ACYP2: variants seen among roughly 807,000 people sequenced by gnomAD.
ACYP2 encodes acylphosphatase 2.
ACYP2 carries 12 observed loss-of-function variants against 11.2 expected under a neutral mutation model. That is an observed-to-expected ratio of 1.08 (90% CI 0.69 to 1.74). The LOEUF (loss-of-function observed/expected upper bound fraction) is 1.74. Ranked by LOEUF, ACYP2 falls within the 40% of genes most tolerant of loss-of-function variation. The pLI, the probability that ACYP2 is intolerant of heterozygous loss-of-function variation, is 0.00. For synonymous variants in ACYP2, 43 were observed against 32.2 expected (o/e 1.33, Z -1.13); for missense variants, 134 against 101.9 (o/e 1.31, Z -1.35).
At chr2:54,288,830 G>A (rs910782803) in intron 6 of ACYP2, among the ~76,000 whole-genome samples, 2 of 151,952 alleles carry the variant, frequency 1.3e-5, no homozygotes, top group Non-Finnish European at 2.9e-5. Context: ...GGCTCCCAAA[G>A]GTTGAGGCCT....
chr2:54,157,126 A>AT (rs1385239478), intron 6 of ACYP2, among the ~76,000 whole-genome samples: 1 of 152,184 alleles, frequency 6.6e-6, no homozygotes, highest in Non-Finnish European at 1.5e-5. Flanking sequence ...AATGATGTGG[A>AT]TTTATGTGGA....
In ACYP2 at chr2:54,135,464, A is replaced by G; in HGVS notation, c.289A>G (p.Arg97Gly). The G allele has an allele frequency of 6.2e-7, 1 of 1,608,506 alleles. No homozygotes were observed. Among genetic ancestry groups the G allele is most frequent in the South Asian group, 1.1e-5 (1 of 90,000 alleles). The change falls in exon 5 of 7, where the codon AGA becomes GGA. Residue 97 changes from arginine (R) to glycine (G), a missense_variant. Physicochemically the swap from Arg to Gly is moderately radical, Grantham distance 125. Transcript: ENST00000607452. ...TTTCTTTTATACAGGTGTTTGCTTC[A>G]GAATGGTAAGTCAGTACAATCTTTA... is the stretch of plus-strand genomic sequence containing the variant.
chr2:54,150,468 T>C (rs1682103631), intron 6 of ACYP2, among the ~76,000 whole-genome samples: 2 of 152,210 alleles, frequency 1.3e-5, no homozygotes, highest in South Asian at 4.1e-4. Context: ...TGGCCCAGGC[T>C]GGAGTGCAGT....
In ACYP2 at chr2:54,009,403, CACAAACAA is replaced by C. The variant is rs776772113; in HGVS notation, c.62+35607_62+35614del. ...ATGAAACCCTGTCTCTACTTAAAAA[CACAAACAA>C]ACAAACAAACAAATTAGCTGGGCAT... On this transcript the variant is annotated intron_variant, in intron 2 of 6. Transcript: ENST00000607452. Among the ~76,000 whole-genome samples, 542 of 151,664 alleles carry C rather than the reference CACAAACAA, an allele frequency of 3.6e-3. 7 individuals carry two copies. The highest frequency in any genetic ancestry group is 2.3e-3 in the South Asian group (11 of 4,796).
intron 6 of ACYP2, among the ~76,000 whole-genome samples, chr2:54,199,402 T>G (rs983875337): frequency 7.2e-5 from 11 of 152,156 alleles, no homozygotes; most frequent in Non-Finnish European, 1.3e-4. Flanking sequence ...TTATTAAGAT[T>G]TTCAGGATGG....
chr2:54,117,143 C>G lies in ACYP2; in HGVS notation c.278-18310C>G, dbSNP rs144629237. Among the ~76,000 whole-genome samples, 698 of 152,228 alleles carry G rather than the reference C, an allele frequency of 4.6e-3. 6 individuals carry two copies. The highest frequency in any genetic ancestry group is 0.016 in the African/African-American group (680 of 41,538). ...TGATTCTTTGAAGAGAAATTTAGAA[C>G]TCATTGTATTCAACAGCTCCAAGTA... On this transcript the variant is annotated intron_variant, in intron 4 of 6. Transcript: ENST00000607452.
chr2:54,013,287 G>A (rs1250050482), intron 2 of ACYP2, among the ~76,000 whole-genome samples: 9 of 148,456 alleles, frequency 6.1e-5, no homozygotes, highest in African/African-American at 1.0e-4. Context: ...GTGTGTGTGT[G>A]TGTGTGTGTG....
chr2:54,113,955 A>C (rs1009404386), intron 4 of ACYP2, among the ~76,000 whole-genome samples: 7 of 152,176 alleles, frequency 4.6e-5, no homozygotes, highest in African/African-American at 1.7e-4. Flanking sequence ...GGAAGAGTTA[A>C]GTTACGAGGT....
intron 6 of ACYP2, among the ~76,000 whole-genome samples, chr2:54,189,634 A>T (rs963136864): frequency 6.6e-6 from 1 of 151,958 alleles, no homozygotes; most frequent in South Asian, 2.1e-4. Context: ...TTGTTTCTCT[A>T]TCTTGGCTAT....
chr2:54,138,075 T>C (rs1221228910), intron 5 of ACYP2, among the ~76,000 whole-genome samples: 1 of 137,064 alleles, frequency 7.3e-6, no homozygotes, highest in African/African-American at 2.8e-5. Flanking sequence ...GCCACACATA[T>C]GTCTACTTTT....
At chr2:54,255,875 G>A (rs765513904) in intron 6 of ACYP2, 40 of 1,613,908 alleles carry the variant, frequency 2.5e-5, no homozygotes, top group Non-Finnish European at 3.1e-5. Flanking sequence ...TCCGCGGGTG[G>A]TGGAGTCACT....
intron 6 of ACYP2, chr2:54,267,366 G>T (rs748138898): frequency 6.5e-7 from 1 of 1,545,216 alleles, no homozygotes; most frequent in Admixed American, 2.0e-5. Flanking sequence ...GAGAATTCAG[G>T]TGAGAGGTTT....
intron 6 of ACYP2, among the ~76,000 whole-genome samples, chr2:54,193,520 G>C (rs1019440803): frequency 1.3e-5 from 2 of 152,042 alleles, no homozygotes; most frequent in African/African-American, 4.8e-5. Flanking sequence ...ACACTTAGTC[G>C]TGACAAGTAC....
chr2:54,153,716 C>T (rs760666368), intron 6 of ACYP2, among the ~76,000 whole-genome samples: 1 of 151,604 alleles, frequency 6.6e-6, no homozygotes, highest in Non-Finnish European at 1.5e-5. Context: ...TCTCCTGCCT[C>T]AGCCTCTCGA....
At chr2:54,125,014 A>G (rs28376974) in intron 4 of ACYP2, among the ~76,000 whole-genome samples, 7,834 of 152,254 alleles carry the variant, frequency 0.051, 629 homozygotes, top group African/African-American at 0.17. Flanking sequence ...TGTCTTCCCA[A>G]AGTGCTGGGA....
In ACYP2 at chr2:53,975,773, A is replaced by C. The variant is rs1481361827; in HGVS notation, c.62+1963A>C. The stretch of plus-strand genomic sequence containing the variant: ...CTTAAACCCGGGAGGCAGAGGTTGC[A>C]GTGAGCCAAGATCGCGCCACTGCAC... On this transcript the variant is annotated intron_variant, in intron 2 of 6. Coordinates refer to ENST00000607452, the MANE Select transcript of ACYP2 (RefSeq NM_001320586.2). Among the ~76,000 whole-genome samples the C allele has an allele frequency of 3.3e-5, 5 of 152,304 alleles. No homozygotes were observed. In the South Asian group the frequency reaches 1.0e-3, roughly 32 times the overall value.
chr2:54,153,709 C>G (rs987800913), intron 6 of ACYP2, among the ~76,000 whole-genome samples: 8 of 151,322 alleles, frequency 5.3e-5, no homozygotes, highest in Admixed American at 2.6e-4. Flanking sequence ...ACACCATTCT[C>G]CTGCCTCAGC....
chr2:54,198,716 T>TATA (rs1358690465), intron 6 of ACYP2, among the ~76,000 whole-genome samples: 3 of 152,190 alleles, frequency 2.0e-5, no homozygotes, highest in African/African-American at 4.8e-5. Flanking sequence ...ATAAAAGACT[T>TATA]ATAAAAAATG....
chr2:53,978,054 G>A (rs1671580194), intron 2 of ACYP2, among the ~76,000 whole-genome samples: 1 of 152,070 alleles, frequency 6.6e-6, no homozygotes, highest in Admixed American at 6.6e-5. Context: ...TTGAGGTCAG[G>A]AGTTCGAGAT....
Sources: allele counts gnomAD v4.1 joint callset (sites outside exome capture counted in the v4.1 genomes callset), GRCh38; gene constraint gnomAD v4.1.1; transcripts MANE v1.5; gene names NCBI Gene and HGNC (gene_info 2026-07-23, HGNC 2026-07-21).